Variants in SCN1A observed in about 807,000 individuals in gnomAD.
SCN1A encodes the protein sodium voltage-gated channel alpha subunit 1.
In SCN1A, 13 loss-of-function variants were observed where a neutral mutation model predicts 193.7. That is an observed-to-expected ratio of 0.07 (90% confidence interval 0.04 to 0.11). The LOEUF is 0.11. Ranked by LOEUF, SCN1A falls within the 10% of genes least tolerant of loss-of-function variation. SCN1A has a pLI of 1.00. For missense variants in SCN1A, 1,432 were observed against 2,451.1 expected, an observed-to-expected ratio of 0.58 and a Z score of 8.78; for synonymous variants, 781 against 843.6, an observed-to-expected ratio of 0.93 and a Z score of 1.29.
Position 166,095,857 on chromosome 2 carries a change from T to C in SCN1A, c.-141-18056A>G, listed in dbSNP as rs114081292. Among the ~76,000 whole-genome samples the C allele has an allele frequency of 2.9e-3, 444 of 152,314 alleles. 2 individuals are homozygous for C. Among genetic ancestry groups the C allele is most frequent in the African/African-American group, 0.01 (420 of 41,560 alleles). On this transcript the variant is annotated intron_variant, in intron 2 of 28. Transcript: ENST00000674923. ...AGCATGAAAAACTATTAAATGGTAATAGTCTTTAGATTAATTTAGATAAAT... is the reference window on the plus strand; with the variant it reads ...AGCATGAAAAACTATTAAATGGTAACAGTCTTTAGATTAATTTAGATAAAT...
chr2:166,087,970 TC>T (rs1686326412), intron 2 of SCN1A, among the ~76,000 whole-genome samples: 1 of 152,100 alleles, frequency 6.6e-6, no homozygotes, highest in African/African-American at 2.4e-5. Flanking sequence ...TTTTTTTAAG[TC>T]CCAGAGTAGA....
rs1689076249 is a variant in SCN1A, at chr2:165,991,205, G to C, written c.*40C>G. The C allele has an allele frequency of 6.5e-7, 1 of 1,535,480 alleles. No individual in the cohort carries two copies. The highest frequency in any genetic ancestry group is 1.9e-5 in the Admixed American group (1 of 52,988). ...TAAAAATACATCACCTTCACAGGCTGTAAACAATTTGTCACCCAATTATTT... is the reference window on the plus strand; with the variant it reads ...TAAAAATACATCACCTTCACAGGCTCTAAACAATTTGTCACCCAATTATTT... On this transcript the variant is annotated 3_prime_UTR_variant, in exon 29 of 29. Transcript: ENST00000674923.
chr2:166,115,242 C>T (rs1045474293), intron 2 of SCN1A, among the ~76,000 whole-genome samples: 4 of 152,100 alleles, frequency 2.6e-5, no homozygotes, highest in Admixed American at 6.5e-5. Flanking sequence ...GCTTGTAGTC[C>T]CCGCCACTTG....
chr2:166,105,924 A>T (rs1403555494), intron 2 of SCN1A, among the ~76,000 whole-genome samples: 16 of 152,228 alleles, frequency 1.1e-4, no homozygotes, highest in Admixed American at 1.0e-3. Flanking sequence ...GCGGTGGCTC[A>T]CGCCTGTAAT....
chr2:166,121,336 C>T lies in SCN1A; in HGVS notation c.-142+5588G>A, dbSNP rs202094251. On this transcript the variant is annotated intron_variant, in intron 2 of 28. Coordinates refer to ENST00000674923, the MANE Select transcript of SCN1A (RefSeq NM_001165963.4). ...ATCTTTTGAAGACATTGCTTTTATA[C>T]TTAAATTAACCTGAGTCAGTTTCAG... Among the ~76,000 whole-genome samples, 19 of 152,286 alleles carry T rather than the reference C, an allele frequency of 1.2e-4. No homozygotes were observed. In the East Asian group the frequency reaches 3.3e-3, roughly 26 times the overall value.
chr2:166,070,362 T>C (rs1433393092), intron 4 of SCN1A, among the ~76,000 whole-genome samples: 1 of 152,224 alleles, frequency 6.6e-6, no homozygotes, highest in East Asian at 1.9e-4. Context: ...ATACCTTACC[T>C]TGGGGAAAAC....
At chr2:166,107,902 T>G (rs1230903990) in intron 2 of SCN1A, among the ~76,000 whole-genome samples, 6 of 152,144 alleles carry the variant, frequency 3.9e-5, no homozygotes, top group Non-Finnish European at 7.4e-5. Context: ...AATAATTTCT[T>G]GGCTGCAACA....
chr2:166,096,117 AT>A (rs939820332), intron 2 of SCN1A, among the ~76,000 whole-genome samples: 2 of 152,210 alleles, frequency 1.3e-5, no homozygotes, highest in African/African-American at 4.8e-5. Context: ...AAATGTAAGT[AT>A]TTAATAAAAT....
At chr2:166,114,939 G>A (rs547655677) in intron 2 of SCN1A, among the ~76,000 whole-genome samples, 21 of 152,212 alleles carry the variant, frequency 1.4e-4, no homozygotes, top group African/African-American at 5.1e-4. Flanking sequence ...TAGATTATGA[G>A]ATCACAAATA....
chr2:166,066,690 C>A (rs1683877215), intron 4 of SCN1A, among the ~76,000 whole-genome samples: 1 of 152,116 alleles, frequency 6.6e-6, no homozygotes, highest in Admixed American at 6.5e-5. Flanking sequence ...TTCTGTCTGA[C>A]ACCTAAACAC....
In SCN1A at chr2:166,015,712, T is replaced by G. The variant is rs752015291; in HGVS notation, c.3445A>C (p.Ser1149Arg). Residue 1149 changes from serine (S) to arginine (R), a missense_variant, in exon 20 of 29, where the codon AGT (serine) becomes CGT (arginine). Physicochemically the swap from Ser to Arg is moderately radical, Grantham distance 110. Transcript: ENST00000674923. ...EESKEKLNES[S>R]SSSEGSTVDI... ...ACAGTGCTACCTTCTGATGAGCTAC[T>G]GCTTTCATTCAGTTTCTGTAAGTGA... 1 of 1,612,766 alleles carries G rather than the reference T, an allele frequency of 6.2e-7. No homozygotes were observed. The highest frequency in any genetic ancestry group is 8.5e-7 in the Non-Finnish European group (1 of 1,178,924).
rs1696884087 is a variant in SCN1A, at chr2:166,039,555, A to G, written c.2457T>C (p.Ile819=). The change falls in exon 17 of 29, where the codon ATT becomes ATC. Residue 819 remains isoleucine (I), a synonymous_variant. Transcript: ENST00000674923. ...GIFTAEMFLK[I]IAMDPYYYFQ... ...AATAATAGTAAGGATCCATGGCAAT[A>G]ATTTTCAGAAACATTTCTGCTGTAA... 1 of 1,614,072 alleles carries G rather than the reference A, an allele frequency of 6.2e-7. No individual in the cohort carries two copies. Among genetic ancestry groups the G allele is most frequent in the African/African-American group, 1.3e-5 (1 of 75,046 alleles).
intron 21 of SCN1A, among the ~76,000 whole-genome samples, chr2:166,013,364 T>C (rs1307129610): frequency 1.3e-5 from 2 of 151,410 alleles, no homozygotes; most frequent in Non-Finnish European, 3.0e-5. Flanking sequence ...TAATAATAAA[T>C]ACCATTTAGA....
intron 19 of SCN1A, among the ~76,000 whole-genome samples, chr2:166,033,701 T>C (rs1232420718): frequency 6.6e-6 from 1 of 152,156 alleles, no homozygotes; most frequent in African/African-American, 2.4e-5. Flanking sequence ...AGTGCTTCAG[T>C]GGATAGTTGC....
chr2:166,057,684 G>T (rs1410929734), intron 5 of SCN1A, among the ~76,000 whole-genome samples: 1 of 151,838 alleles, frequency 6.6e-6, no homozygotes, highest in African/African-American at 2.4e-5. Context: ...TACCACTAAA[G>T]AAATTTCTTG....
Position 166,057,185 on chromosome 2 carries a change from C to T in SCN1A, c.384-685G>A, listed in dbSNP as rs186595146. Among the ~76,000 whole-genome samples the T allele has an allele frequency of 2.6e-5, 4 of 152,160 alleles. No individual in the cohort carries two copies. The East Asian group carries it at 5.8e-4, about 22-fold the overall frequency. On this transcript the variant is annotated intron_variant, in intron 5 of 28. Coordinates refer to ENST00000674923, the MANE Select transcript of SCN1A (RefSeq NM_001165963.4). ...TCTGTGCCATTGCCTTGTATCTCTT[C>T]CTACTTCTCTACAATGGAGCTAATA... is the stretch of plus-strand genomic sequence containing the variant.
At chr2:166,024,230 A>G (rs1363400935) in intron 19 of SCN1A, among the ~76,000 whole-genome samples, 1 of 131,592 alleles carries the variant, frequency 7.6e-6, no homozygotes, top group African/African-American at 2.5e-5. Context: ...TGTCTCAAAA[A>G]ACAAACAAAC....
chr2:166,055,560 G>A (rs1699052340), intron 6 of SCN1A, among the ~76,000 whole-genome samples: 1 of 152,002 alleles, frequency 6.6e-6, no homozygotes. Flanking sequence ...TGGTGCAAAT[G>A]TTGGTGGACA....
rs201380017 is a variant in SCN1A, at chr2:166,146,077, GGACAGACA to G, written c.-50+2962_-50+2969del. On this transcript the variant is annotated intron_variant, in intron 1 of 26. Coordinates refer to the SCN1A transcript ENST00000635750. The stretch of plus-strand genomic sequence containing the variant: ...TAGGTAAGTCTCTGTTAAAAACTAG[GGACAGACA>G]GACACTGGGTCACTTGACAGAGTGG... Among the ~76,000 whole-genome samples, 1,310 of 152,142 alleles carry G rather than the reference GGACAGACA, an allele frequency of 8.6e-3. 11 individuals carry two copies. Among genetic ancestry groups the G allele is most frequent in the Non-Finnish European group, 0.014 (919 of 67,996 alleles).
Sources: allele counts gnomAD v4.1 joint callset (sites outside exome capture counted in the v4.1 genomes callset), GRCh38; gene constraint gnomAD v4.1.1; transcripts MANE v1.5; gene names NCBI Gene and HGNC (gene_info 2026-07-23, HGNC 2026-07-21).